The following LTBP1 variants were observed in gnomAD, a reference collection of about 807,000 sequenced individuals.
The protein encoded by LTBP1 is latent-transforming growth factor beta-binding protein 1.
LTBP1 carries 129 observed loss-of-function variants against 207.6 expected under a neutral mutation model. The observed-to-expected ratio is 0.62, with a 90% CI of 0.54 to 0.72. The LOEUF (loss-of-function observed/expected upper bound fraction) is 0.72, where lower values mean the gene tolerates loss of function less well. Among genes scored for constraint, LTBP1 ranks in the 30% least tolerant of loss-of-function variants. The pLI is 0.00. For synonymous variants in LTBP1, 963 were observed against 833.7 expected (o/e 1.16, Z -2.67); for missense variants, 2,281 against 2,217.2 (o/e 1.03, Z -0.58).
chr2:33,242,891 A>T (rs80086591), intron 9 of LTBP1, among the ~76,000 whole-genome samples: 1 of 152,040 alleles, frequency 6.6e-6, no homozygotes, highest in Non-Finnish European at 1.5e-5. Context: ...AGAAACCTTT[A>T]GTATATAGCT....
At chr2:33,144,823 G>A (rs950838366) in intron 5 of LTBP1, among the ~76,000 whole-genome samples, 7 of 152,134 alleles carry the variant, frequency 4.6e-5, no homozygotes, top group Admixed American at 6.5e-5. Context: ...GTGTATATGG[G>A]TGTATGTAAA....
intron 5 of LTBP1, among the ~76,000 whole-genome samples, chr2:33,157,181 A>T (rs1199122798): frequency 6.6e-6 from 1 of 152,206 alleles, no homozygotes; most frequent in Non-Finnish European, 1.5e-5. Context: ...TAAGTCAAAC[A>T]TCAAAGGTGT....
chr2:32,947,430 C>T lies in LTBP1; in HGVS notation c.106C>T (p.Pro36Ser). The T allele has an allele frequency of 1.4e-6, 2 of 1,441,196 alleles. No individual in the cohort carries two copies. Among genetic ancestry groups the T allele is most frequent in the Non-Finnish European group, 1.8e-6 (2 of 1,099,838 alleles). The allele number at this position is 1,441,196 out of a possible 1,614,324, so 89.3% of individuals were successfully genotyped here. The part of the protein sequence containing the change: ...RRITYVVHPG[P>S]GLAAGALPLS... ...GATCACCTACGTGGTGCACCCGGGC[C>T]CCGGCCTGGCAGCCGGCGCCTTGCC... The change falls in exon 1 of 34, where the codon CCC (proline) becomes TCC (serine). Residue 36 changes from proline (P) to serine (S), a missense_variant. Physicochemically the swap from Pro to Ser is moderately conservative, Grantham distance 74. Around this residue, in one of 3 missense-constraint regions of LTBP1, gnomAD observed 555 missense variants for 491.0 expected, o/e 1.13. Coordinates refer to ENST00000404816, the MANE Select transcript of LTBP1 (RefSeq NM_206943.4).
rs769372532 is a variant in LTBP1 at position 33,222,029 on chromosome 2, T to C, written c.1805-51T>C. 2.2e-6 allele frequency: 3 copies of C among 1,349,910 alleles called. No homozygotes were observed. The Admixed American group carries it at 5.0e-5, about 23-fold the overall frequency. The allele number at this position is 1,349,910 out of a possible 1,614,324, so 83.6% of individuals were successfully genotyped here. A position where few individuals can be genotyped will look rare whatever the true frequency, so the allele number is the denominator to read the frequency against. ...TGGCTTCAGATATCACTTACACTAG[T>C]CTAAGATTGTAAGAATTTAAGTATG... is the stretch of plus-strand genomic sequence containing the variant. On this transcript the variant is annotated intron_variant, in intron 8 of 33. Coordinates refer to ENST00000404816, the MANE Select transcript of LTBP1 (RefSeq NM_206943.4).
chr2:33,387,398 A>C (rs112926582), intron 31 of LTBP1, among the ~76,000 whole-genome samples: 5,078 of 152,340 alleles, frequency 0.033, 108 homozygotes, highest in Non-Finnish European at 0.052. Flanking sequence ...TTGAGTCAAG[A>C]ATCTTTTTCC....
intron 1 of LTBP1, among the ~76,000 whole-genome samples, chr2:32,948,214 T>C (rs560149599): frequency 6.6e-6 from 1 of 152,222 alleles, no homozygotes; most frequent in South Asian, 2.1e-4. Context: ...ATGAAAAAAA[T>C]GTTTCGAGGG....
chr2:33,110,528 T>C, intron 3 of LTBP1, 54 bp from the exon 4 acceptor site: 1 of 1,516,886 alleles, frequency 6.6e-7, no homozygotes, highest in South Asian at 1.2e-5. Flanking sequence ...CCTTATTAGC[T>C]GACTTTTAAA....
At chr2:33,237,414 G>T (rs962648131) in intron 9 of LTBP1, among the ~76,000 whole-genome samples, 1 of 152,088 alleles carries the variant, frequency 6.6e-6, no homozygotes, top group Non-Finnish European at 1.5e-5. Context: ...TAGAACATTG[G>T]TTTTCAAATA....
Position 33,190,037 on chromosome 2 carries a change from A to G in LTBP1, c.1701+1186A>G, listed in dbSNP as rs1456718272. 2.6e-5 allele frequency among the ~76,000 whole-genome samples: 4 copies of G among 151,814 alleles called. No individual in the cohort carries two copies. The South Asian group carries it at 6.3e-4, about 24-fold the overall frequency. On this transcript the variant is annotated intron_variant, in intron 7 of 33. Transcript: ENST00000404816. ...AGTGAGACTCTGTCTCAAAAGAAAG[A>G]AAAAAAAATTCATAACTTGCAAGGT...
At chr2:33,266,763 C>T (rs750817630) in intron 15 of LTBP1, among the ~76,000 whole-genome samples, 5 of 152,152 alleles carry the variant, frequency 3.3e-5, no homozygotes, top group Non-Finnish European at 7.4e-5. Context: ...AGAGCTGTCA[C>T]GTCACTCAGT....
At chr2:33,243,023 C>T (rs912128202) in intron 9 of LTBP1, among the ~76,000 whole-genome samples, 8 of 152,118 alleles carry the variant, frequency 5.3e-5, no homozygotes, top group African/African-American at 1.9e-4. Context: ...TCCTGAGCCT[C>T]CATCCACTGG....
chr2:33,392,869 T>C (rs2095326670), intron 32 of LTBP1, among the ~76,000 whole-genome samples: 1 of 151,904 alleles, frequency 6.6e-6, no homozygotes, highest in African/African-American at 2.4e-5. Context: ...TTTGAGTATG[T>C]GGTGTCACTT....
chr2:33,198,458 G>A (rs2088825429), intron 7 of LTBP1, among the ~76,000 whole-genome samples: 1 of 152,122 alleles, frequency 6.6e-6, no homozygotes, highest in Non-Finnish European at 1.5e-5. Context: ...GACTGGAATA[G>A]TTTCAGAAGG....
At chr2:33,081,671 T>C (rs1226980577) in intron 3 of LTBP1, among the ~76,000 whole-genome samples, 2 of 152,176 alleles carry the variant, frequency 1.3e-5, no homozygotes, top group South Asian at 2.1e-4. Flanking sequence ...CCCAAACTCA[T>C]GGTGCTGATA....
chr2:33,216,260 TA>T (rs1475157763), intron 7 of LTBP1, among the ~76,000 whole-genome samples: 1 of 152,216 alleles, frequency 6.6e-6, no homozygotes, highest in South Asian at 2.1e-4. Flanking sequence ...ATTAAGGAGA[TA>T]GGGGAGGTTT....
chr2:33,370,453 C>G (rs1018169283), intron 31 of LTBP1, among the ~76,000 whole-genome samples: 11 of 152,122 alleles, frequency 7.2e-5, no homozygotes, highest in Non-Finnish European at 1.0e-4. Context: ...GGGCGCGAGA[C>G]ACAGGATTCT....
rs1436999011 is a variant in LTBP1, at chr2:32,947,732, G to A, written c.408G>A (p.Arg136=). The change falls in exon 1 of 34, where the codon AGG becomes AGA. Residue 136 remains arginine, a synonymous_variant. Transcript: ENST00000404816. ...CCGCCCCGTTCACCAAACAAGGCAG[G>A]CAAGTTGTGCGCTCCAAGGTGCCGC... ...PAAAPFTKQG[R]QVVRSKVPQE... 1 of 1,537,454 alleles carries A rather than the reference G, an allele frequency of 6.5e-7. No homozygotes were observed. Among genetic ancestry groups the A allele is most frequent in the Non-Finnish European group, 8.7e-7 (1 of 1,143,588 alleles).
At chr2:33,066,086 A>G (rs947310581) in intron 3 of LTBP1, among the ~76,000 whole-genome samples, 2 of 151,996 alleles carry the variant, frequency 1.3e-5, no homozygotes, top group Non-Finnish European at 2.9e-5. Flanking sequence ...GAACTTTCTG[A>G]TATCTGTCTA....
intron 4 of LTBP1, among the ~76,000 whole-genome samples, chr2:33,127,607 G>A (rs1200430989): frequency 6.6e-6 from 1 of 152,084 alleles, no homozygotes; most frequent in Admixed American, 6.5e-5. Context: ...TGGGACATTT[G>A]TTATAGATAG....
Sources: allele counts gnomAD v4.1 joint callset (sites outside exome capture counted in the v4.1 genomes callset), GRCh38; gene constraint gnomAD v4.1.1; regional missense constraint gnomAD v4.1.1; transcripts MANE v1.5; gene names NCBI Gene and HGNC (gene_info 2026-07-23, HGNC 2026-07-21).